The following DCUN1D5 variants were observed in gnomAD, a reference collection of about 807,000 sequenced individuals.
DCUN1D5 encodes the protein defective in cullin neddylation 1 domain containing 5.
In DCUN1D5, 10 loss-of-function variants were observed where a neutral mutation model predicts 38.3. The ratio of observed to expected loss-of-function variants is 0.26; its 90% confidence interval spans 0.16 to 0.44. The LOEUF (loss-of-function observed/expected upper bound fraction) is 0.44, where lower values mean the gene tolerates loss of function less well. Among genes scored for constraint, DCUN1D5 ranks in the 20% least tolerant of loss-of-function variants. DCUN1D5 has a pLI of 1.00. For missense variants in DCUN1D5, 148 were observed against 275.3 expected (o/e 0.54, Z 3.27); for synonymous variants, 93 against 90.9 (o/e 1.02, Z -0.13).
intron 4 of DCUN1D5, among the ~76,000 whole-genome samples, chr11:103,070,151 T>C (rs1054557914): frequency 6.7e-6 from 1 of 149,224 alleles, no homozygotes; most frequent in African/African-American, 2.5e-5. Context: ...AAATATAAGA[T>C]ACAAAAAAAG....
chr11:103,066,449 T>C lies in DCUN1D5; in HGVS notation c.450+10A>G, dbSNP rs2276180. 8,484 of 1,596,020 alleles carry C rather than the reference T, an allele frequency of 5.3e-3. 283 individuals are homozygous for C. The East Asian group carries it at 0.092, about 17-fold the overall frequency. On this transcript the variant is annotated intron_variant, in intron 5 of 7. Transcript: ENST00000260247. This position sits in a 1 kb window ranked among gnomAD's most constrained non-coding sequence, Gnocchi z 4.7. ...CTATTAAAACAACAAAACAAGAAAA[T>C]TGCACCTACCCTTGCAAAATCAAAG...
At position 103,063,117 on chromosome 11, in the gene DCUN1D5, G is replaced by C. The variant is rs540116181; in HGVS notation, c.659-703C>G. ...CTTTTGACAGACATGTTTCTCTATC[G>C]TAAGAAAAGCAGCAGAGCACATATG... On this transcript the variant is annotated intron_variant, in intron 7 of 7. Coordinates refer to ENST00000260247, the MANE Select transcript of DCUN1D5 (RefSeq NM_032299.4). This position sits in a 1 kb window ranked among gnomAD's most constrained non-coding sequence, Gnocchi z 4.6. Among the ~76,000 whole-genome samples the C allele has an allele frequency of 6.6e-6, 1 of 151,976 alleles. No individual in the cohort carries two copies. The highest frequency in any genetic ancestry group is 6.6e-5 in the Admixed American group (1 of 15,250).
In DCUN1D5 at chr11:103,054,935, T is replaced by C. The variant is rs1015460992; in HGVS notation, c.*7424A>G. ...AAACAACTGCATTCATTAATTGAGA[T>C]TGAATGTAGGTGCAGGTTGAATATC... On this transcript the variant is annotated 3_prime_UTR_variant, in exon 8 of 8. Coordinates refer to ENST00000260247, the MANE Select transcript of DCUN1D5 (RefSeq NM_032299.4). 3 of 152,240 alleles carry C rather than the reference T, an allele frequency of 2.0e-5. No homozygotes were observed. Among genetic ancestry groups the C allele is most frequent in the Admixed American group, 6.5e-5 (1 of 15,286 alleles). 9.4% of individuals were successfully genotyped at this position (152,240 alleles called of 1,614,324 possible). A position where few individuals can be genotyped will look rare whatever the true frequency, so the allele number is the denominator to read the frequency against.
Position 103,058,644 on chromosome 11 carries a change from T to A in DCUN1D5, c.*3715A>T, listed in dbSNP as rs899012378. On this transcript the variant is annotated 3_prime_UTR_variant, in exon 8 of 8. Coordinates refer to ENST00000260247, the MANE Select transcript of DCUN1D5 (RefSeq NM_032299.4). ...TTACCTGGTTCTTACCAAATATTCC[T>A]GAAGTAATAAAACTATATCATTAAA... is the stretch of plus-strand genomic sequence containing the variant. Among the ~76,000 whole-genome samples the A allele has an allele frequency of 1.3e-5, 2 of 152,068 alleles. No homozygotes were observed. The highest frequency in any genetic ancestry group is 2.9e-5 in the Non-Finnish European group (2 of 67,996).
Position 103,071,004 on chromosome 11 carries a change from A to C in DCUN1D5, c.342-4437T>G, listed in dbSNP as rs1411932304. Among the ~76,000 whole-genome samples, 2 of 152,140 alleles carry C rather than the reference A, an allele frequency of 1.3e-5. No homozygotes were observed. Among genetic ancestry groups the C allele is most frequent in the Non-Finnish European group, 2.9e-5 (2 of 67,990 alleles). On this transcript the variant is annotated intron_variant, in intron 4 of 7. Coordinates refer to ENST00000260247, the MANE Select transcript of DCUN1D5 (RefSeq NM_032299.4). This position sits in a 1 kb window ranked among gnomAD's most constrained non-coding sequence, Gnocchi z 4.1. ...GTTAAGTCTCAAGGGAAAACAGAAA[A>C]TACATTAAACTAAATGAAAATACAA... is the stretch of plus-strand genomic sequence containing the variant.
chr11:103,060,850 A>T lies in DCUN1D5; in HGVS notation c.*1509T>A, dbSNP rs1383915027. Among the ~76,000 whole-genome samples the T allele has an allele frequency of 6.6e-6, 1 of 152,180 alleles. No individual in the cohort carries two copies. The highest frequency in any genetic ancestry group is 1.5e-5 in the Non-Finnish European group (1 of 68,016). On this transcript the variant is annotated 3_prime_UTR_variant, in exon 8 of 8. Coordinates refer to ENST00000260247, the MANE Select transcript of DCUN1D5 (RefSeq NM_032299.4). ...ATGCTTTCCTTATAATAAATTTGAT[A>T]TTAAAACATCATTCATAATATTAAA...
In DCUN1D5 at chr11:103,051,205, A is replaced by G. The variant is rs1861721200; in HGVS notation, c.*11154T>C. 6 of 152,334 alleles carry G rather than the reference A, an allele frequency of 3.9e-5. No homozygotes were observed. The highest frequency in any genetic ancestry group is 3.3e-4 in the Admixed American group (5 of 15,296). The allele number at this position is 152,334 out of a possible 1,614,324, so 9.4% of individuals were successfully genotyped here. ...TTTGTAACATTGGACTAGTCAACATACCATCTTATGACCAAATTTAAAACA... is the reference window on the plus strand; with the variant it reads ...TTTGTAACATTGGACTAGTCAACATGCCATCTTATGACCAAATTTAAAACA... On this transcript the variant is annotated 3_prime_UTR_variant, in exon 8 of 8. Coordinates refer to ENST00000260247, the MANE Select transcript of DCUN1D5 (RefSeq NM_032299.4).
chr11:103,083,185 C>A lies in DCUN1D5; in HGVS notation c.249+71G>T, dbSNP rs1419890479. ...AAATCTTCATACAAGATTAAAGTGTCTCGATTTTTAGTAATTTACGAATAT... is the reference window on the plus strand; with the variant it reads ...AAATCTTCATACAAGATTAAAGTGTATCGATTTTTAGTAATTTACGAATAT... On this transcript the variant is annotated intron_variant, in intron 3 of 7. Coordinates refer to ENST00000260247, the MANE Select transcript of DCUN1D5 (RefSeq NM_032299.4). The surrounding 1 kb of genome is among the most constrained non-coding windows in gnomAD (Gnocchi z 4.4). 1 of 752,476 alleles carries A rather than the reference C, an allele frequency of 1.3e-6. No homozygotes were observed. Among genetic ancestry groups the A allele is most frequent in the African/African-American group, 1.8e-5 (1 of 56,784 alleles). The allele number at this position is 752,476 out of a possible 1,614,324, so 46.6% of individuals were successfully genotyped here.
At chr11:103,081,471 T>C (rs1862562434) in intron 4 of DCUN1D5, among the ~76,000 whole-genome samples, 1 of 152,188 alleles carries the variant, frequency 6.6e-6, no homozygotes, top group Non-Finnish European at 1.5e-5. Context: ...GACACCTAAA[T>C]GTATGGCAGA....
At position 103,087,682 on chromosome 11, in the gene DCUN1D5, A is replaced by G. The variant is rs1862748923; in HGVS notation, c.178+1545T>C. Among the ~76,000 whole-genome samples, 1 of 152,190 alleles carries G rather than the reference A, an allele frequency of 6.6e-6. No homozygotes were observed. Among genetic ancestry groups the G allele is most frequent in the Non-Finnish European group, 1.5e-5 (1 of 68,016 alleles). On this transcript the variant is annotated intron_variant, in intron 2 of 7. Coordinates refer to ENST00000260247, the MANE Select transcript of DCUN1D5 (RefSeq NM_032299.4). The surrounding 1 kb of genome is among the most constrained non-coding windows in gnomAD (Gnocchi z 4.1). ...AAAGTCGTAGTGGGAGGTGGTGATAATACTACCTACTTAATAGAACAGTCA... is the reference window on the plus strand; with the variant it reads ...AAAGTCGTAGTGGGAGGTGGTGATAGTACTACCTACTTAATAGAACAGTCA...
intron 4 of DCUN1D5, among the ~76,000 whole-genome samples, chr11:103,067,600 C>A (rs1483693577): frequency 6.6e-6 from 1 of 152,144 alleles, no homozygotes; most frequent in East Asian, 1.9e-4. Flanking sequence ...TCTCCAGCCA[C>A]CTGGCATTCT....
chr11:103,064,395 A>G lies in DCUN1D5; in HGVS notation c.556-18T>C, dbSNP rs1335250167. Reference sequence around the variant, plus strand: ...TTTGATTGCTGCAAAAATGATTTAAATATTTGTATTTAAATATTTAAACAA... The same window carrying G: ...TTTGATTGCTGCAAAAATGATTTAAGTATTTGTATTTAAATATTTAAACAA... On this transcript the variant is annotated intron_variant, in intron 6 of 7. Transcript: ENST00000260247. This position sits in a 1 kb window ranked among gnomAD's most constrained non-coding sequence, Gnocchi z 4.5. 3 of 1,551,112 alleles carry G rather than the reference A, an allele frequency of 1.9e-6. No individual in the cohort carries two copies. Among genetic ancestry groups the G allele is most frequent in the South Asian group, 2.4e-5 (2 of 83,542 alleles).
rs1429008858 is a variant in DCUN1D5 at position 103,083,616 on chromosome 11, A to G, written c.179-290T>C. 6.6e-6 allele frequency among the ~76,000 whole-genome samples: 1 copy of G among 151,944 alleles called. No homozygotes were observed. The highest frequency in any genetic ancestry group is 1.5e-5 in the Non-Finnish European group (1 of 67,906). On this transcript the variant is annotated intron_variant, in intron 2 of 7. Coordinates refer to ENST00000260247, the MANE Select transcript of DCUN1D5 (RefSeq NM_032299.4). This position sits in a 1 kb window ranked among gnomAD's most constrained non-coding sequence, Gnocchi z 4.4. ...TTAGTACAAAAACTCAAACCAATCCATTAAAAAAAAAATTCACTGAGAGCC... is the reference window on the plus strand; with the variant it reads ...TTAGTACAAAAACTCAAACCAATCCGTTAAAAAAAAAATTCACTGAGAGCC...
chr11:103,090,290 G>A (rs571636839), intron 1 of DCUN1D5, among the ~76,000 whole-genome samples: 24 of 152,288 alleles, frequency 1.6e-4, no homozygotes, highest in African/African-American at 5.8e-4. Context: ...TTATAAAAAT[G>A]TGAGCTACTA....
intron 4 of DCUN1D5, among the ~76,000 whole-genome samples, chr11:103,068,158 T>A (rs913190842): frequency 9.9e-5 from 15 of 152,192 alleles, no homozygotes; most frequent in Non-Finnish European, 2.1e-4. Context: ...ATTAGCATTA[T>A]CTTCATCCCT....
intron 4 of DCUN1D5, among the ~76,000 whole-genome samples, chr11:103,082,323 T>C (rs1207113664): frequency 6.6e-6 from 1 of 152,118 alleles, no homozygotes; most frequent in African/African-American, 2.4e-5. Flanking sequence ...TATGTAACTC[T>C]ATCTTCAAAT....
Position 103,091,374 on chromosome 11 carries a change from C to G in DCUN1D5, c.86+413G>C. 5.6e-6 allele frequency: 1 copy of G among 178,442 alleles called. No individual in the cohort carries two copies. The highest frequency in any genetic ancestry group is 9.5e-5 in the South Asian group (1 of 10,562). The allele number at this position is 178,442 out of a possible 1,614,324, so 11.1% of individuals were successfully genotyped here. On this transcript the variant is annotated intron_variant, in intron 1 of 7. Transcript: ENST00000260247. The surrounding 1 kb of genome is among the most constrained non-coding windows in gnomAD (Gnocchi z 4.3). ...CCTTATGTTCTGCTTTCTTCACACTCTACAAAGAAATTCTAGAAGTGACCC... is the reference window on the plus strand; with the variant it reads ...CCTTATGTTCTGCTTTCTTCACACTGTACAAAGAAATTCTAGAAGTGACCC...
Position 103,089,203 on chromosome 11 carries a change from A to G in DCUN1D5, c.178+24T>C, listed in dbSNP as rs757982206. 4.4e-6 allele frequency: 7 copies of G among 1,604,814 alleles called. No individual in the cohort carries two copies. In the East Asian group the frequency reaches 1.3e-4, roughly 31 times the overall value. On this transcript the variant is annotated intron_variant, in intron 2 of 7. Coordinates refer to ENST00000260247, the MANE Select transcript of DCUN1D5 (RefSeq NM_032299.4). ...AAACTTTTTAAAGCATATGACTAGTATCTTCTTATATTAATTTCATTACCT... is the reference window on the plus strand; with the variant it reads ...AAACTTTTTAAAGCATATGACTAGTGTCTTCTTATATTAATTTCATTACCT...
chr11:103,089,401 T>A, intron 1 of DCUN1D5, 83 bp from the exon 2 acceptor site: 1 of 1,248,070 alleles, frequency 8.0e-7, no homozygotes, highest in South Asian at 1.5e-5. Flanking sequence ...ACAACTTCCA[T>A]TCACATTAAA....
Sources: allele counts gnomAD v4.1 joint callset (sites outside exome capture counted in the v4.1 genomes callset), GRCh38; gene constraint gnomAD v4.1.1; non-coding constraint Gnocchi (gnomAD v3.1); transcripts MANE v1.5; gene names NCBI Gene and HGNC (gene_info 2026-07-23, HGNC 2026-07-21).